Variants in SYTL3 observed in about 807,000 individuals in gnomAD.
SYTL3 encodes the protein synaptotagmin-like protein 3.
A neutral mutation model predicts 82.1 loss-of-function variants in SYTL3; 88 were observed. The observed-to-expected ratio is 1.07, with a 90% CI of 0.90 to 1.28. The LOEUF (loss-of-function observed/expected upper bound fraction) is 1.28, where lower values mean the gene tolerates loss of function less well. Among genes scored for constraint, SYTL3 ranks in the 50% most tolerant of loss-of-function variants. SYTL3 has a pLI of 0.00. For synonymous variants in SYTL3, 311 were observed against 289.4 expected (o/e 1.07, Z -0.76); for missense variants, 831 against 757.6 (o/e 1.10, Z -1.14).
rs1784628763 is a variant in SYTL3, at chr6:158,725,652, A to G, written c.855+15A>G. 1 of 1,599,998 alleles carries G rather than the reference A, an allele frequency of 6.3e-7. No homozygotes were observed. Among genetic ancestry groups the G allele is most frequent in the African/African-American group, 1.4e-5 (1 of 73,700 alleles). ...GTTTTAGACACGTGAGTCTCATTCC[A>G]ATGCTCTTTTTTTGTTTTTTTGTTT... On this transcript the variant is annotated intron_variant, in intron 11 of 17. Coordinates refer to ENST00000611299, the MANE Select transcript of SYTL3 (RefSeq NM_001242394.2).
At chr6:158,715,630 A>C (rs1783301369) in intron 9 of SYTL3, among the ~76,000 whole-genome samples, 13 of 37,290 alleles carry the variant, frequency 3.5e-4, no homozygotes, top group African/African-American at 7.6e-4. Flanking sequence ...CGCACCCAGC[A>C]CCCCCCATAC....
At position 158,708,387 on chromosome 6, in the gene SYTL3, G is replaced by A. The variant is rs750917790; in HGVS notation, c.512G>A (p.Gly171Asp). ...VSESQCSRSP[G>D]RLQEFGQFRG... ...GAGAGCCAGTGCAGCCGCAGTCCTGGCAGGGTAACGTATCCATTCTGGGCA... is the reference window on the plus strand; with the variant it reads ...GAGAGCCAGTGCAGCCGCAGTCCTGACAGGGTAACGTATCCATTCTGGGCA... The change falls in exon 8 of 18, where the codon GGC becomes GAC. Residue 171 changes from glycine (G) to aspartate (D), a missense_variant. Transcript: ENST00000611299. The A allele has an allele frequency of 1.9e-6, 3 of 1,614,006 alleles. No homozygotes were observed. Among genetic ancestry groups the A allele is most frequent in the Non-Finnish European group, 2.5e-6 (3 of 1,179,880 alleles).
At chr6:158,759,525 G>GT (rs745449705) in intron 14 of SYTL3, among the ~76,000 whole-genome samples, 87 of 152,232 alleles carry the variant, frequency 5.7e-4, no homozygotes, top group Non-Finnish European at 1.0e-3. Context: ...GGACGGCTCT[G>GT]TTTTTTGGTT....
In SYTL3 at chr6:158,763,321, AC is replaced by A. The variant is rs1790257169; in HGVS notation, c.1537del (p.Gln513AsnfsTer4). The A allele has an allele frequency of 6.2e-7, 1 of 1,614,068 alleles. No homozygotes were observed. Among genetic ancestry groups the A allele is most frequent in the South Asian group, 1.1e-5 (1 of 91,080 alleles). ...SFVKGCLTLPDQQKLRLKSPV... is the reference protein window; with the variant it reads ...SFVKGCLTLPXQQKLRLKSPV... ...CTCTTCAGCTGTCTCACTCTGCCAG[AC>A]CAACAAAAACTGAGACTGAAGTCGC... On this transcript the variant is annotated frameshift_variant, in exon 17 of 18. Coordinates refer to ENST00000611299, the MANE Select transcript of SYTL3 (RefSeq NM_001242394.2). LOFTEE classifies it high-confidence loss of function.
intron 6 of SYTL3, among the ~76,000 whole-genome samples, chr6:158,706,239 C>T (rs928985333): frequency 2.6e-5 from 4 of 152,098 alleles, no homozygotes; most frequent in African/African-American, 7.2e-5. Context: ...TTCAAAGACT[C>T]CTGCACTCGC....
intron 5 of SYTL3, among the ~76,000 whole-genome samples, chr6:158,677,823 T>C (rs1002582541): frequency 6.6e-6 from 1 of 152,006 alleles, no homozygotes; most frequent in Non-Finnish European, 1.5e-5. Flanking sequence ...CAAACTATCA[T>C]GAAAAAATTA....
At chr6:158,734,358 T>C (rs1178184344) in intron 11 of SYTL3, among the ~76,000 whole-genome samples, 1 of 152,070 alleles carries the variant, frequency 6.6e-6, no homozygotes, top group African/African-American at 2.4e-5. Flanking sequence ...CACATCCTTG[T>C]AGCCCTAGAA....
chr6:158,740,674 G>C (rs1476997745), intron 11 of SYTL3, among the ~76,000 whole-genome samples: 1 of 152,132 alleles, frequency 6.6e-6, no homozygotes, highest in Non-Finnish European at 1.5e-5. Context: ...CCTGGTATGC[G>C]TGGCAATTTT....
Position 158,663,205 on chromosome 6 carries a change from G to T in SYTL3, c.-64G>T, listed in dbSNP as rs1789570134. 2 of 1,469,540 alleles carry T rather than the reference G, an allele frequency of 1.4e-6. No homozygotes were observed. Among genetic ancestry groups the T allele is most frequent in the Non-Finnish European group, 9.5e-7 (1 of 1,052,064 alleles). The allele number at this position is 1,469,540 out of a possible 1,614,324, so 91.0% of individuals were successfully genotyped here. A position where few individuals can be genotyped will look rare whatever the true frequency, so the allele number is the denominator to read the frequency against. ...GCTGGCCTCCGCCGCTCATCTGCAGGGCGTGAGCGCTTGGTCCATGCAGTG... is the reference window on the plus strand; with the variant it reads ...GCTGGCCTCCGCCGCTCATCTGCAGTGCGTGAGCGCTTGGTCCATGCAGTG... On this transcript the variant is annotated 5_prime_UTR_variant, in exon 4 of 18. Coordinates refer to ENST00000611299, the MANE Select transcript of SYTL3 (RefSeq NM_001242394.2).
intron 13 of SYTL3, among the ~76,000 whole-genome samples, chr6:158,753,512 T>C (rs1788664457): frequency 6.6e-6 from 1 of 151,430 alleles, no homozygotes; most frequent in Non-Finnish European, 1.5e-5. Flanking sequence ...GGGTGGATCA[T>C]GAGGTCAGGA....
intron 11 of SYTL3, among the ~76,000 whole-genome samples, chr6:158,730,703 CAAGG>C (rs527438041): frequency 1.3e-3 from 205 of 152,208 alleles, no homozygotes; most frequent in African/African-American, 4.8e-3. Context: ...ATGCATAAGA[CAAGG>C]AAGGAAATAC....
intron 6 of SYTL3, among the ~76,000 whole-genome samples, chr6:158,693,209 T>G (rs900511846): frequency 6.6e-6 from 1 of 152,236 alleles, no homozygotes; most frequent in Non-Finnish European, 1.5e-5. Context: ...TTTAAAAATT[T>G]TACATAGACT....
At chr6:158,716,519 C>T (rs904506231) in intron 9 of SYTL3, among the ~76,000 whole-genome samples, 26 of 152,122 alleles carry the variant, frequency 1.7e-4, no homozygotes, top group African/African-American at 6.0e-4. Flanking sequence ...TAGTGCCTTA[C>T]GAGCTGCTGG....
chr6:158,706,140 C>A lies in SYTL3; in HGVS notation c.395-1090C>A, dbSNP rs550504148. Reference sequence around the variant, plus strand: ...ATGGGGAGGGGAAGGGTCACAGGTGCCTTATAGAATCCTGTGAAAGCCAGA... The same window carrying A: ...ATGGGGAGGGGAAGGGTCACAGGTGACTTATAGAATCCTGTGAAAGCCAGA... On this transcript the variant is annotated intron_variant, in intron 6 of 17. Coordinates refer to ENST00000611299, the MANE Select transcript of SYTL3 (RefSeq NM_001242394.2). Among the ~76,000 whole-genome samples, 13 of 152,152 alleles carry A rather than the reference C, an allele frequency of 8.5e-5. 1 individual carries two copies. In the South Asian group the frequency reaches 2.3e-3, roughly 27 times the overall value.
At chr6:158,729,505 T>G (rs916162785) in intron 11 of SYTL3, among the ~76,000 whole-genome samples, 3 of 152,132 alleles carry the variant, frequency 2.0e-5, no homozygotes, top group Admixed American at 1.3e-4. Context: ...TGTGGATACT[T>G]GGATCTTTCA....
chr6:158,721,683 A>G (rs1784126884), intron 10 of SYTL3, among the ~76,000 whole-genome samples: 1 of 152,084 alleles, frequency 6.6e-6, no homozygotes, highest in South Asian at 2.1e-4. Context: ...CCCAGGCTGG[A>G]GTACGATGGC....
At chr6:158,691,819 T>A (rs1255769810) in intron 6 of SYTL3, among the ~76,000 whole-genome samples, 7 of 150,618 alleles carry the variant, frequency 4.6e-5, no homozygotes, top group African/African-American at 1.7e-4. Flanking sequence ...GCCTGGCTAA[T>A]TTTTTGTATT....
intron 9 of SYTL3, among the ~76,000 whole-genome samples, chr6:158,717,602 G>A (rs1783573752): frequency 6.6e-6 from 1 of 151,884 alleles, no homozygotes; most frequent in South Asian, 2.1e-4. Context: ...ATCTTTCCAG[G>A]GTTTGTTTAT....
At chr6:158,710,360 C>T (rs552665356) in intron 8 of SYTL3, among the ~76,000 whole-genome samples, 1 of 152,284 alleles carries the variant, frequency 6.6e-6, no homozygotes, top group African/African-American at 2.4e-5. Context: ...ATTGCATATA[C>T]AGTCACCCAA....
Sources: gnomAD v4.1 joint callset for allele counts (sites outside exome capture counted in the v4.1 genomes callset) on GRCh38, gnomAD v4.1.1 for gene constraint, MANE v1.5 for transcripts, NCBI Gene and HGNC (gene_info 2026-07-23, HGNC 2026-07-21) for gene names.